The following IRAK1BP1 variants were observed in gnomAD, a reference collection of about 807,000 sequenced individuals.
The protein encoded by IRAK1BP1 is interleukin-1 receptor-associated kinase 1-binding protein 1.
IRAK1BP1 carries 24 observed loss-of-function variants against 28.0 expected under a neutral mutation model. That is an observed-to-expected ratio of 0.86 (90% confidence interval 0.62 to 1.20). The LOEUF (loss-of-function observed/expected upper bound fraction) is 1.20. Ranked by LOEUF, IRAK1BP1 falls within the 50% of genes most tolerant of loss-of-function variation. IRAK1BP1 has a pLI of 0.00. For missense variants in IRAK1BP1, 336 were observed against 316.7 expected, an observed-to-expected ratio of 1.06 and a Z score of -0.46; for synonymous variants, 131 against 116.3, an observed-to-expected ratio of 1.13 and a Z score of -0.81.
chr6:78,896,213 A>C (rs993837143), intron 2 of IRAK1BP1, among the ~76,000 whole-genome samples: 1 of 152,148 alleles, frequency 6.6e-6, no homozygotes, highest in Non-Finnish European at 1.5e-5. Context: ...CTTTTCAAAA[A>C]ATAGAAACTG....
intron 2 of IRAK1BP1, 77 bp downstream of exon 2, chr6:78,885,520 G>T: frequency 4.7e-6 from 3 of 642,626 alleles, no homozygotes; most frequent in Non-Finnish European, 8.0e-6. Context: ...TGAAATGAAT[G>T]GTGAAAAATG....
chr6:78,897,751 T>C, intron 2 of IRAK1BP1, 78 bp from the exon 3 acceptor site: 1 of 1,301,200 alleles, frequency 7.7e-7, no homozygotes. Context: ...CTGGCTATAC[T>C]TTTTTTACTT....
Position 78,903,047 on chromosome 6 carries a change from T to C in IRAK1BP1, c.*4713T>C. 1 of 1,534,016 alleles carries C rather than the reference T, an allele frequency of 6.5e-7. No homozygotes were observed. Among genetic ancestry groups the C allele is most frequent in the South Asian group, 1.2e-5 (1 of 83,970 alleles). ...ACCAACAATTACTCCCAGATAGCCA[T>C]GTCACCTGTGAATTATCATGAATCC... is the stretch of plus-strand genomic sequence containing the variant. On this transcript the variant is annotated 3_prime_UTR_variant, in exon 4 of 4. Transcript: ENST00000369940.
intron 1 of IRAK1BP1, among the ~76,000 whole-genome samples, chr6:78,881,329 G>A (rs1424847685): frequency 6.6e-6 from 1 of 152,074 alleles, no homozygotes; most frequent in African/African-American, 2.4e-5. Context: ...AAAACTATGG[G>A]GAACGAAAAC....
rs533515536 is a variant in IRAK1BP1 at position 78,887,509 on chromosome 6, C to CA, written c.381+2073dup. On this transcript the variant is annotated intron_variant, in intron 2 of 3. Transcript: ENST00000369940. ...TGAAACCCCATCTCTACTAAAAATA[C>CA]AAAAAAATTAGCCAGGTGTGGTGGC... 3.6e-4 allele frequency among the ~76,000 whole-genome samples: 54 copies of CA among 151,902 alleles called. 1 individual carries two copies. In the South Asian group the frequency reaches 1.0e-2, roughly 28 times the overall value.
intron 4 of IRAK1BP1, among the ~76,000 whole-genome samples, chr6:78,912,850 T>C (rs1310902322): frequency 1.3e-5 from 2 of 152,210 alleles, no homozygotes; most frequent in Non-Finnish European, 2.9e-5. Context: ...GCACCCAGGC[T>C]CTTGATTTGT....
intron 1 of IRAK1BP1, among the ~76,000 whole-genome samples, chr6:78,884,656 G>A (rs1324646109): frequency 1.3e-5 from 2 of 152,044 alleles, no homozygotes; most frequent in African/African-American, 2.4e-5. Flanking sequence ...TATGGTGTAC[G>A]TGGTATTAAC....
intron 1 of IRAK1BP1, among the ~76,000 whole-genome samples, chr6:78,878,829 A>G (rs1350330510): frequency 3.3e-5 from 5 of 152,230 alleles, no homozygotes; most frequent in East Asian, 3.9e-4. Context: ...GCTGAAAACC[A>G]TGGCACAAGA....
rs529462098 is a variant in IRAK1BP1, at chr6:78,933,834, C to CT, written c.*68-11572dup. Among the ~76,000 whole-genome samples, 96 of 152,180 alleles carry CT rather than the reference C, an allele frequency of 6.3e-4. 1 individual carries two copies. The South Asian group carries it at 8.1e-3, about 13-fold the overall frequency. On this transcript the variant is annotated intron_variant and NMD_transcript_variant, in intron 4 of 4. Coordinates refer to the IRAK1BP1 transcript ENST00000606868. ...TTTCTCCTTATCAGCCATAAGGTTGCTTGCTTTCTTATCATTCATATGTTC... is the reference window on the plus strand; with the variant it reads ...TTTCTCCTTATCAGCCATAAGGTTGCTTTGCTTTCTTATCATTCATATGTTC...
intron 4 of IRAK1BP1, among the ~76,000 whole-genome samples, chr6:78,943,078 T>G (rs1220164466): frequency 6.6e-6 from 1 of 152,184 alleles, no homozygotes; most frequent in African/African-American, 2.4e-5. Context: ...AAATACTGAT[T>G]AAATACTGAA....
chr6:78,868,815 C>T (rs985553662), intron 1 of IRAK1BP1, among the ~76,000 whole-genome samples: 9 of 152,156 alleles, frequency 5.9e-5, no homozygotes, highest in Admixed American at 1.3e-4. Context: ...TCATAGGGAT[C>T]AACGATTTCA....
At position 78,945,446 on chromosome 6, in the gene IRAK1BP1, G is replaced by T. The variant is rs371238791; in HGVS notation, c.*106G>T. On this transcript the variant is annotated 3_prime_UTR_variant and NMD_transcript_variant, in exon 5 of 5. Transcript: ENST00000606868. ...GCCATGACTAAAACTGGATTGACCAGGACTGGAAAGAGTATTCAAAGCTTT... is the reference window on the plus strand; with the variant it reads ...GCCATGACTAAAACTGGATTGACCATGACTGGAAAGAGTATTCAAAGCTTT... The T allele has an allele frequency of 3.1e-6, 5 of 1,610,812 alleles. No individual in the cohort carries two copies. Among genetic ancestry groups the T allele is most frequent in the Non-Finnish European group, 4.2e-6 (5 of 1,177,202 alleles).
chr6:78,871,777 C>G (rs1254926278), intron 1 of IRAK1BP1: 3 of 306,136 alleles, frequency 9.8e-6, no homozygotes, highest in African/African-American at 6.5e-5. Context: ...TTAACCACTA[C>G]AGGATGTTGC....
chr6:78,894,572 A>G (rs1771811626), intron 2 of IRAK1BP1, among the ~76,000 whole-genome samples: 1 of 152,232 alleles, frequency 6.6e-6, no homozygotes, highest in Non-Finnish European at 1.5e-5. Flanking sequence ...TACTTAAGGG[A>G]AAAATGATAT....
chr6:78,876,137 C>T (rs74782322), intron 1 of IRAK1BP1, among the ~76,000 whole-genome samples: 1 of 152,018 alleles, frequency 6.6e-6, no homozygotes, highest in Non-Finnish European at 1.5e-5. Flanking sequence ...ACTATGGGGG[C>T]AGTTTCCTCC....
chr6:78,970,745 T>C, the IRAK1BP1 span: 101 of 1,311,460 alleles, frequency 7.7e-5, no homozygotes, highest in Admixed American at 2.4e-4. Context: ...CATAATTGTA[T>C]TTTTGGGGCT....
At chr6:78,904,133 G>A (rs1772197036), downstream of IRAK1BP1, among the ~76,000 whole-genome samples, 1 of 152,180 alleles carries the variant, frequency 6.6e-6, no homozygotes, top group African/African-American at 2.4e-5. Flanking sequence ...GGGAAATGCA[G>A]GACACATATT....
chr6:78,949,365 C>T (rs1450937838), downstream of IRAK1BP1, among the ~76,000 whole-genome samples: 1 of 152,034 alleles, frequency 6.6e-6, no homozygotes, highest in Non-Finnish European at 1.5e-5. Context: ...ATATACATAC[C>T]AATGAATCCC....
intron 4 of IRAK1BP1, among the ~76,000 whole-genome samples, chr6:78,924,358 G>A (rs1362596702): frequency 6.6e-6 from 1 of 152,120 alleles, no homozygotes; most frequent in Admixed American, 6.6e-5. Flanking sequence ...CCTGCCAAGA[G>A]TAAACCAGGA....
Sources: gnomAD v4.1 joint callset for allele counts (sites outside exome capture counted in the v4.1 genomes callset) on GRCh38, gnomAD v4.1.1 for gene constraint, MANE v1.5 for transcripts, NCBI Gene and HGNC (gene_info 2026-07-23, HGNC 2026-07-21) for gene names.